Variants in SLC6A17 observed in about 807,000 individuals in gnomAD.
SLC6A17 encodes the protein sodium-dependent neutral amino acid transporter SLC6A17.
A neutral mutation model predicts 64.5 loss-of-function variants in SLC6A17; 21 were observed. The observed-to-expected ratio is 0.33, with a 90% CI of 0.23 to 0.47. The LOEUF is 0.47. Ranked by LOEUF, SLC6A17 falls within the 20% of genes least tolerant of loss-of-function variation. The probability of loss-of-function intolerance (pLI) is 1.00; values close to 1 mark genes in which losing one functional copy is unlikely to be tolerated. For missense variants in SLC6A17, 682 were observed against 963.2 expected (o/e 0.71, Z 3.86); for synonymous variants, 372 against 399.5 (o/e 0.93, Z 0.82).
chr1:110,170,180 C>T (rs375174580), intron 2 of SLC6A17, among the ~76,000 whole-genome samples: 2 of 152,120 alleles, frequency 1.3e-5, no homozygotes, highest in Admixed American at 6.5e-5. Flanking sequence ...AACACTGGGG[C>T]GAAATACAAA....
chr1:110,173,891 ACGTGCTGGGCCT>A, intron 3 of SLC6A17, 70 bp from the exon 4 acceptor site: 5 of 1,552,298 alleles, frequency 3.2e-6, no homozygotes, highest in South Asian at 2.5e-5. Flanking sequence ...GGCGCTGCCG[ACGTGCTGGGCCT>A]CGGGTGGAGC....
chr1:110,174,112 C>T lies in SLC6A17; in HGVS notation c.571+13C>T. 1 of 1,613,372 alleles carries T rather than the reference C, an allele frequency of 6.2e-7. No individual in the cohort carries two copies. Among genetic ancestry groups the T allele is most frequent in the Non-Finnish European group, 8.5e-7 (1 of 1,179,652 alleles). On this transcript the variant is annotated intron_variant, in intron 4 of 11. Coordinates refer to ENST00000331565, the MANE Select transcript of SLC6A17 (RefSeq NM_001010898.4). Reference sequence around the variant, plus strand: ...GGGAGCGTGGCAGGCAAGTATGGGGCCCAGCTGGGGATGCCAGCCAGCCCT... The same window carrying T: ...GGGAGCGTGGCAGGCAAGTATGGGGTCCAGCTGGGGATGCCAGCCAGCCCT...
At position 110,197,565 on chromosome 1, in the gene SLC6A17, C is replaced by T. The variant is rs201121834; in HGVS notation, c.1781C>T (p.Thr594Met). 3.9e-5 allele frequency: 62 copies of T among 1,609,696 alleles called. No individual in the cohort carries two copies. The highest frequency in any genetic ancestry group is 6.6e-5 in the South Asian group (6 of 90,778). ...TTASIIQLGV[T>M]PPGYSAWIKE... ...GCCAGCATCATCCAGCTGGGGGTCA[C>T]GCCCCCGGGCTACAGCGCCTGGATC... The change falls in exon 11 of 12, where the codon ACG becomes ATG. Residue 594 changes from threonine to methionine, a missense_variant. Thr to Met is a moderately conservative substitution (Grantham distance 81). This residue lies in a region of SLC6A17 where 264 missense variants were observed against 339.5 expected (regional missense o/e 0.78). Coordinates refer to ENST00000331565, the MANE Select transcript of SLC6A17 (RefSeq NM_001010898.4).
intron 2 of SLC6A17, among the ~76,000 whole-genome samples, chr1:110,170,017 T>A (rs1051357505): frequency 6.6e-6 from 1 of 152,136 alleles, no homozygotes; most frequent in South Asian, 2.1e-4. Flanking sequence ...CAGTACCTTG[T>A]CTTTGCTCTC....
At chr1:110,195,440 C>T (rs1051092672) in intron 9 of SLC6A17, 146 bp from the exon 10 acceptor site, 11 of 936,236 alleles carry the variant, frequency 1.2e-5, no homozygotes, top group African/African-American at 5.0e-5. Flanking sequence ...CTGGATCCCT[C>T]GTGCAGGACT....
chr1:110,186,324 C>G (rs552094676), intron 6 of SLC6A17, among the ~76,000 whole-genome samples: 157 of 151,726 alleles, frequency 1.0e-3, no homozygotes, highest in African/African-American at 3.6e-3. Context: ...CTTTATTGAT[C>G]CTAAACCTTT....
intron 11 of SLC6A17, 75 bp downstream of exon 11, chr1:110,197,674 C>A: frequency 1.4e-6 from 2 of 1,460,930 alleles, no homozygotes; most frequent in Non-Finnish European, 1.8e-6. Context: ...GATAGGGATA[C>A]ACCTTTCTAG....
intron 6 of SLC6A17, chr1:110,178,841 C>T (rs1428870023): frequency 6.6e-6 from 1 of 152,234 alleles, no homozygotes; most frequent in Non-Finnish European, 1.5e-5. Flanking sequence ...CTTAATCTAT[C>T]ACACTGAGTA....
chr1:110,189,918 T>C (rs1467421228), intron 6 of SLC6A17, among the ~76,000 whole-genome samples: 2 of 152,234 alleles, frequency 1.3e-5, no homozygotes, highest in African/African-American at 2.4e-5. Flanking sequence ...AAGCACTGGG[T>C]GCCCAGCCTT....
chr1:110,162,873 C>T (rs577268453), intron 1 of SLC6A17, among the ~76,000 whole-genome samples: 1 of 152,070 alleles, frequency 6.6e-6, no homozygotes, highest in South Asian at 2.1e-4. Context: ...GAGGTGGGCA[C>T]CGCTGGCACC....
At chr1:110,170,504 G>A (rs1327038751) in intron 2 of SLC6A17, among the ~76,000 whole-genome samples, 1 of 152,058 alleles carries the variant, frequency 6.6e-6, no homozygotes, top group Non-Finnish European at 1.5e-5. Flanking sequence ...CAAAAAACCG[G>A]TGAGGCTGTC....
chr1:110,189,549 C>A (rs1656772678), intron 6 of SLC6A17, among the ~76,000 whole-genome samples: 2 of 152,238 alleles, frequency 1.3e-5, no homozygotes, highest in Non-Finnish European at 2.9e-5. Context: ...TTTGGAAATG[C>A]ACATGATTGT....
rs548642584 is a variant in SLC6A17 at position 110,157,979 on chromosome 1, C to G, written c.-88+7096C>G. Among the ~76,000 whole-genome samples, 135 of 152,316 alleles carry G rather than the reference C, an allele frequency of 8.9e-4. 3 individuals are homozygous for G. In the South Asian group the frequency reaches 0.027, roughly 30 times the overall value. On this transcript the variant is annotated intron_variant, in intron 1 of 11. Transcript: ENST00000331565. ...CCCCATCTCTGTTGTAGCATCCCTG[C>G]TGTGCTCCATCCCCTCATACTCTAT...
chr1:110,170,949 C>T (rs1656208359), intron 2 of SLC6A17, among the ~76,000 whole-genome samples: 1 of 152,100 alleles, frequency 6.6e-6, no homozygotes, highest in South Asian at 2.1e-4. Flanking sequence ...GGTGTCTGTG[C>T]CTACTGTTAC....
chr1:110,190,862 T>A (rs1489329639), intron 6 of SLC6A17, among the ~76,000 whole-genome samples: 1 of 152,234 alleles, frequency 6.6e-6, no homozygotes, highest in African/African-American at 2.4e-5. Flanking sequence ...GCCCAGAATA[T>A]CTATATTTTA....
chr1:110,166,761 T>C, intron 1 of SLC6A17, 82 bp from the exon 2 acceptor site: 1 of 754,846 alleles, frequency 1.3e-6, no homozygotes, highest in Non-Finnish European at 2.0e-6. Context: ...TGATGGGGAG[T>C]TAATTTGGGT....
intron 8 of SLC6A17, among the ~76,000 whole-genome samples, chr1:110,193,910 C>T (rs1002461078): frequency 6.6e-6 from 1 of 152,216 alleles, no homozygotes; most frequent in African/African-American, 2.4e-5. Context: ...TGTTCCCTTA[C>T]AATCACTGAA....
chr1:110,177,343 C>T (rs192352980), intron 6 of SLC6A17, among the ~76,000 whole-genome samples: 3 of 152,256 alleles, frequency 2.0e-5, no homozygotes, highest in South Asian at 2.1e-4. Context: ...CTCAATAGCC[C>T]GGGGAGCAAG....
At chr1:110,197,130 C>T (rs1046772959) in intron 10 of SLC6A17, among the ~76,000 whole-genome samples, 3 of 152,120 alleles carry the variant, frequency 2.0e-5, no homozygotes, top group Admixed American at 6.5e-5. Flanking sequence ...AGGGCTAGGC[C>T]CCTCCCTGAA....
Sources: gnomAD v4.1 joint callset for allele counts (sites outside exome capture counted in the v4.1 genomes callset) on GRCh38, gnomAD v4.1.1 for gene constraint, gnomAD v4.1.1 regional missense constraint, MANE v1.5 for transcripts, NCBI Gene and HGNC (gene_info 2026-07-23, HGNC 2026-07-21) for gene names.